Variants in FAT2 observed in about 807,000 individuals in gnomAD.
FAT2 encodes the protein FAT atypical cadherin 2.
Under a neutral mutation model 295.3 loss-of-function variants are expected in FAT2, and 150 were observed. The observed-to-expected ratio is 0.51, with a 90% CI of 0.44 to 0.58. The LOEUF (loss-of-function observed/expected upper bound fraction) is 0.58, where lower values mean the gene tolerates loss of function less well. Ranked by LOEUF, FAT2 falls within the 20% of genes least tolerant of loss-of-function variation. The pLI is 0.00. For missense variants in FAT2, 4,868 were observed against 5,442.7 expected (o/e 0.89, Z 3.32); for synonymous variants, 2,026 against 2,150.3 (o/e 0.94, Z 1.60).
intron 1 of FAT2, among the ~76,000 whole-genome samples, chr5:151,589,448 C>T (rs1287323501): frequency 6.6e-6 from 1 of 152,206 alleles, no homozygotes; most frequent in East Asian, 1.9e-4. Context: ...TCAGTATCTT[C>T]CTGCCAGAAG....
chr5:151,530,830 AGATGATTACT>A (rs1561833935), intron 14 of FAT2, among the ~76,000 whole-genome samples: 1 of 152,140 alleles, frequency 6.6e-6, no homozygotes, highest in Non-Finnish European at 1.5e-5. Flanking sequence ...TGGTCTCTGC[AGATGATTACT>A]GAAGCTGGGT....
At chr5:151,529,724 A>G (rs769393993) in intron 14 of FAT2, among the ~76,000 whole-genome samples, 6 of 152,258 alleles carry the variant, frequency 3.9e-5, no homozygotes, top group Middle Eastern at 3.4e-3. Context: ...TATGATTCCC[A>G]TTTTCTAGGT....
rs776933430 is a variant in FAT2, at chr5:151,550,641, C to T, written c.4527G>A (p.Val1509=). 1 of 1,614,174 alleles carries T rather than the reference C, an allele frequency of 6.2e-7. No homozygotes were observed. Among genetic ancestry groups the T allele is most frequent in the Non-Finnish European group, 8.5e-7 (1 of 1,180,028 alleles). The change falls in exon 8 of 24, where the codon GTG becomes GTA. Residue 1509 remains valine, a synonymous_variant. Transcript: ENST00000261800. The part of the protein sequence containing the change: ...LDPSSGVLVT[V]GKLDLGSGPS... ...GCCCCGAGCCGAGGTCCAATTTTCCCACCGTTACCAGGACACCACTGCTTG... is the reference window on the plus strand; with the variant it reads ...GCCCCGAGCCGAGGTCCAATTTTCCTACCGTTACCAGGACACCACTGCTTG...
At chr5:151,556,608 C>A (rs945814081) in intron 3 of FAT2, among the ~76,000 whole-genome samples, 7 of 152,202 alleles carry the variant, frequency 4.6e-5, no homozygotes, top group Admixed American at 3.9e-4. Context: ...TCAGTACAAA[C>A]CATACTTCAA....
At position 151,544,409 on chromosome 5, in the gene FAT2, CAT is replaced by C; in HGVS notation, c.6716_6717del (p.His2239ArgfsTer16). The C allele has an allele frequency of 1.2e-6, 2 of 1,614,178 alleles. No individual in the cohort carries two copies. The highest frequency in any genetic ancestry group is 8.5e-7 in the Non-Finnish European group (1 of 1,180,038). On this transcript the variant is annotated frameshift_variant, in exon 10 of 24. Transcript: ENST00000261800. LOFTEE classifies it high-confidence loss of function. ...GPLDYESKTK[H>X]VFTVRATDTA... ...GTATCCGTGGCTCTGACTGTGAACACATGTTTGGTCTTGGACTCATAGTCCAA... is the reference window on the plus strand; with the variant it reads ...GTATCCGTGGCTCTGACTGTGAACACGTTTGGTCTTGGACTCATAGTCCAA...
In FAT2 at chr5:151,556,416, G is replaced by T; in HGVS notation, c.3575-14C>A. 6.2e-7 allele frequency: 1 copy of T among 1,608,434 alleles called. No homozygotes were observed. Among genetic ancestry groups the T allele is most frequent in the Non-Finnish European group, 8.5e-7 (1 of 1,175,956 alleles). ...TAGATAGGAGACCTGAGAGAGAGAT[G>T]ATAAGGGAGAGACATGAGCAGAAGA... On this transcript the variant is annotated splice_polypyrimidine_tract_variant and intron_variant, in intron 3 of 23. Transcript: ENST00000261800.
chr5:151,565,607 G>A (rs1758217957), intron 2 of FAT2, 66 bp downstream of exon 2: 3 of 1,473,410 alleles, frequency 2.0e-6, no homozygotes, highest in South Asian at 2.9e-5. Flanking sequence ...CCCGCAGGCT[G>A]ACTTCTTTTT....
chr5:151,527,094 C>G, intron 17 of FAT2, 140 bp downstream of exon 17: 1 of 800,404 alleles, frequency 1.2e-6, no homozygotes. Flanking sequence ...TGCCCTCCAG[C>G]AGTCTGTGTT....
chr5:151,518,201 G>T (rs745774817), intron 19 of FAT2, among the ~76,000 whole-genome samples: 56 of 151,866 alleles, frequency 3.7e-4, no homozygotes, highest in Non-Finnish European at 5.9e-4. Context: ...GCCAGGCATG[G>T]TGCCTCATGC....
At chr5:151,555,909 C>G (rs776747429) in intron 4 of FAT2, among the ~76,000 whole-genome samples, 5 of 152,120 alleles carry the variant, frequency 3.3e-5, no homozygotes, top group African/African-American at 4.8e-5. Flanking sequence ...AAACAGGCAC[C>G]AGGAATGCCT....
intron 4 of FAT2, among the ~76,000 whole-genome samples, chr5:151,555,345 A>G (rs1325993289): frequency 6.7e-6 from 1 of 150,228 alleles, no homozygotes; most frequent in Non-Finnish European, 1.5e-5. Context: ...CCATTTAGCT[A>G]CTTCTTACTA....
rs201219743 is a variant in FAT2 at position 151,537,174 on chromosome 5, CAGAA to C, written c.9193+615_9193+618del. Reference sequence around the variant, plus strand: ...AGAAAGAAAAAGAGGGAGAGAAATACAGAAAGAAAGAAGAGAGAGAGAGAGAAAG... The same window carrying C: ...AGAAAGAAAAAGAGGGAGAGAAATACAGAAAGAAGAGAGAGAGAGAGAAAG... On this transcript the variant is annotated intron_variant, in intron 12 of 23. Transcript: ENST00000261800. Among the ~76,000 whole-genome samples, 300 of 141,002 alleles carry C rather than the reference CAGAA, an allele frequency of 2.1e-3. 4 individuals carry two copies. In the East Asian group the frequency reaches 0.047, roughly 22 times the overall value. The allele number at this position is 141,002 out of a possible 152,430, so 92.5% of individuals were successfully genotyped here.
intron 1 of FAT2, among the ~76,000 whole-genome samples, chr5:151,590,463 T>C (rs1197351965): frequency 6.6e-6 from 1 of 152,222 alleles, no homozygotes; most frequent in Non-Finnish European, 1.5e-5. Flanking sequence ...TCCAGAGATA[T>C]GCATCAGATT....
At chr5:151,551,813 T>C (rs1340207035) in intron 6 of FAT2, among the ~76,000 whole-genome samples, 1 of 152,228 alleles carries the variant, frequency 6.6e-6, no homozygotes, top group East Asian at 1.9e-4. Context: ...TTTATTTGAA[T>C]TTTATTAATA....
intron 20 of FAT2, among the ~76,000 whole-genome samples, chr5:151,516,379 G>C (rs1752866087): frequency 6.6e-6 from 1 of 152,086 alleles, no homozygotes; most frequent in Non-Finnish European, 1.5e-5. Context: ...TAGTGAGCGT[G>C]GTTGCACACA....
intron 1 of FAT2, 32 bp from the exon 2 acceptor site, chr5:151,568,983 T>C (rs1277175209): frequency 6.5e-7 from 1 of 1,528,794 alleles, no homozygotes; most frequent in Non-Finnish European, 8.8e-7. Context: ...GGGTGCAAGT[T>C]AGGGGGAAAA....
chr5:151,589,269 C>T (rs1258755824), intron 1 of FAT2, among the ~76,000 whole-genome samples: 3 of 152,192 alleles, frequency 2.0e-5, no homozygotes, highest in Non-Finnish European at 4.4e-5. Context: ...AAACTTAATG[C>T]CTGCCTGACA....
chr5:151,520,179 C>G (rs889758974), intron 19 of FAT2, among the ~76,000 whole-genome samples: 7 of 152,230 alleles, frequency 4.6e-5, no homozygotes, highest in African/African-American at 1.7e-4. Context: ...GCAGCTGGAC[C>G]CATAAAGGGC....
At position 151,565,793 on chromosome 5, in the gene FAT2, A is replaced by T. The variant is rs772458691; in HGVS notation, c.3139T>A (p.Ser1047Thr). 10 of 1,613,882 alleles carry T rather than the reference A, an allele frequency of 6.2e-6. No homozygotes were observed. The highest frequency in any genetic ancestry group is 1.3e-5 in the African/African-American group (1 of 74,840). ...GCCACTACAATCACCTGAGTTCCCGAGGGGCTGTTCTCCTGCACCTGGCCC... is the reference window on the plus strand; with the variant it reads ...GCCACTACAATCACCTGAGTTCCCGTGGGGCTGTTCTCCTGCACCTGGCCC... Reference protein sequence around the residue: ...HQGQVQENSPSGTQVIVVAAQ... With the variant: ...HQGQVQENSPTGTQVIVVAAQ... Residue 1047 changes from serine (S) to threonine (T), a missense_variant, in exon 2 of 24, where the codon TCG becomes ACG. Ser to Thr is a moderately conservative substitution (Grantham distance 58). Coordinates refer to ENST00000261800, the MANE Select transcript of FAT2 (RefSeq NM_001447.3).
Sources: gnomAD v4.1 joint callset for allele counts (sites outside exome capture counted in the v4.1 genomes callset) on GRCh38, gnomAD v4.1.1 for gene constraint, MANE v1.5 for transcripts, NCBI Gene and HGNC (gene_info 2026-07-23, HGNC 2026-07-21) for gene names.